The following SYNPR variants were observed in gnomAD, a reference collection of about 807,000 sequenced individuals.
The protein encoded by SYNPR is synaptoporin.
In SYNPR, 23 loss-of-function variants were observed where a neutral mutation model predicts 32.9. That is an observed-to-expected ratio of 0.70 (90% CI 0.50 to 0.99). The LOEUF is 0.99. Ranked by LOEUF, SYNPR falls within the 50% of genes least tolerant of loss-of-function variation. SYNPR has a pLI of 0.00. For synonymous variants in SYNPR, 146 were observed against 135.9 expected (o/e 1.07, Z -0.52); for missense variants, 318 against 349.3 (o/e 0.91, Z 0.71).
chr3:63,434,079 C>T (rs1171967796), intron 2 of SYNPR, among the ~76,000 whole-genome samples: 1 of 152,110 alleles, frequency 6.6e-6, no homozygotes, highest in Non-Finnish European at 1.5e-5. Flanking sequence ...CATGAAAACA[C>T]TCAAATGTTA....
chr3:63,442,368 G>A (rs1026591658), intron 2 of SYNPR, among the ~76,000 whole-genome samples: 4 of 152,062 alleles, frequency 2.6e-5, no homozygotes, highest in African/African-American at 4.8e-5. Flanking sequence ...CAACATTCCC[G>A]CACCGAGTGG....
At chr3:63,538,999 G>A (rs576494540) in intron 3 of SYNPR, among the ~76,000 whole-genome samples, 52 of 151,978 alleles carry the variant, frequency 3.4e-4, no homozygotes, top group African/African-American at 1.2e-3. Flanking sequence ...AACTATATTC[G>A]GAAGAAATAA....
chr3:63,481,766 C>T (rs550213115), intron 3 of SYNPR, among the ~76,000 whole-genome samples: 17 of 152,114 alleles, frequency 1.1e-4, no homozygotes, highest in Non-Finnish European at 1.8e-4. Context: ...CTGGACCAAC[C>T]CATTGGCTTC....
chr3:63,533,520 A>T (rs1702146131), intron 3 of SYNPR, among the ~76,000 whole-genome samples: 1 of 152,204 alleles, frequency 6.6e-6, no homozygotes, highest in Non-Finnish European at 1.5e-5. Context: ...TCCTAAGGTT[A>T]CAAGTAACAG....
chr3:63,351,936 A>G (rs2087515749), intron 2 of SYNPR, among the ~76,000 whole-genome samples: 1 of 152,190 alleles, frequency 6.6e-6, no homozygotes, highest in African/African-American at 2.4e-5. Context: ...ATACAGTGAG[A>G]ACTGCTAAGA....
Position 63,598,662 on chromosome 3 carries a change from G to T in SYNPR, c.409-10463G>T, listed in dbSNP as rs1699995777. ...TCATCTGTAGTATAAGGCCAGTGAT[G>T]CCTCCTCTGACTATTTTTGGGGTTT... is the stretch of plus-strand genomic sequence containing the variant. On this transcript the variant is annotated intron_variant, in intron 4 of 5. Transcript: ENST00000478300. Among the ~76,000 whole-genome samples the T allele has an allele frequency of 2.0e-5, 3 of 152,124 alleles. No homozygotes were observed. The South Asian group carries it at 6.2e-4, about 32-fold the overall frequency.
chr3:63,505,825 T>C (rs1031297080), intron 3 of SYNPR, among the ~76,000 whole-genome samples: 1 of 152,186 alleles, frequency 6.6e-6, no homozygotes, highest in Non-Finnish European at 1.5e-5. Context: ...CTGCATGGTT[T>C]AGTCAACAAT....
At chr3:63,405,854 A>AG (rs1245351599) in intron 2 of SYNPR, among the ~76,000 whole-genome samples, 4 of 152,238 alleles carry the variant, frequency 2.6e-5, no homozygotes, top group African/African-American at 7.2e-5. Flanking sequence ...ACATGCCAAC[A>AG]TGCTGGTTCC....
At chr3:63,571,246 T>C (rs1213163555) in intron 4 of SYNPR, among the ~76,000 whole-genome samples, 1 of 152,194 alleles carries the variant, frequency 6.6e-6, no homozygotes, top group African/African-American at 2.4e-5. Context: ...TTGTGCACTT[T>C]GTTCTCATTA....
chr3:63,200,820 T>G, the SYNPR span, among the ~76,000 whole-genome samples: 12 of 152,182 alleles, frequency 7.9e-5, no homozygotes, highest in African/African-American at 2.9e-4. Context: ...CCCTAAGCAT[T>G]CTAAAAGATT....
chr3:63,472,631 G>C (rs1700824992), intron 2 of SYNPR, among the ~76,000 whole-genome samples: 1 of 152,012 alleles, frequency 6.6e-6, no homozygotes, highest in South Asian at 2.1e-4. Context: ...GGCCCAAATG[G>C]GGAATACAAA....
chr3:63,319,945 A>G (rs887467975), intron 2 of SYNPR, among the ~76,000 whole-genome samples: 11 of 151,876 alleles, frequency 7.2e-5, no homozygotes, highest in Admixed American at 6.6e-5. Flanking sequence ...TTAGATATGT[A>G]TCTATTTTCT....
chr3:63,341,209 C>A (rs750853708), intron 2 of SYNPR, among the ~76,000 whole-genome samples: 1 of 152,212 alleles, frequency 6.6e-6, no homozygotes, highest in African/African-American at 2.4e-5. Context: ...TCTTCTGTGA[C>A]TTGATAGCTC....
At chr3:63,600,330 G>T (rs956667172) in intron 4 of SYNPR, among the ~76,000 whole-genome samples, 2 of 152,182 alleles carry the variant, frequency 1.3e-5, no homozygotes, top group Non-Finnish European at 2.9e-5. Flanking sequence ...CTCTGTGCCA[G>T]GAGGGGACAG....
intron 3 of SYNPR, among the ~76,000 whole-genome samples, chr3:63,548,838 A>C (rs1702455625): frequency 6.6e-6 from 1 of 152,154 alleles, no homozygotes; most frequent in African/African-American, 2.4e-5. Flanking sequence ...CCCTTGGGAC[A>C]TGTCATTTCT....
chr3:63,581,147 T>C (rs991663457), intron 4 of SYNPR, among the ~76,000 whole-genome samples: 1 of 152,114 alleles, frequency 6.6e-6, no homozygotes, highest in African/African-American at 2.4e-5. Context: ...AGGGGTGTTT[T>C]CCACCACTGT....
chr3:63,379,250 A>C (rs76118072), intron 2 of SYNPR, among the ~76,000 whole-genome samples: 1 of 152,108 alleles, frequency 6.6e-6, no homozygotes, highest in Non-Finnish European at 1.5e-5. Context: ...TAGGAACTTG[A>C]AAAGTATGTA....
chr3:63,461,077 C>T (rs879502044), intron 2 of SYNPR, among the ~76,000 whole-genome samples: 8 of 151,758 alleles, frequency 5.3e-5, no homozygotes, highest in Non-Finnish European at 8.8e-5. Flanking sequence ...CCATGGGCTG[C>T]GCTTGGGCAC....
intron 2 of SYNPR, among the ~76,000 whole-genome samples, chr3:63,262,892 T>C (rs1295997779): frequency 5.3e-5 from 8 of 152,242 alleles, no homozygotes; most frequent in Non-Finnish European, 8.8e-5. Context: ...CAGGTTTGAC[T>C]GCAATACACC....
Sources: gnomAD v4.1 joint callset for allele counts (sites outside exome capture counted in the v4.1 genomes callset) on GRCh38, gnomAD v4.1.1 for gene constraint, MANE v1.5 for transcripts, NCBI Gene and HGNC (gene_info 2026-07-23, HGNC 2026-07-21) for gene names.